The following CSNK1G1 variants were observed in gnomAD, a reference collection of about 807,000 sequenced individuals.
The protein encoded by CSNK1G1 is casein kinase 1 gamma 1.
CSNK1G1 carries 22 observed loss-of-function variants against 59.6 expected under a neutral mutation model. That is an observed-to-expected ratio of 0.37 (90% CI 0.26 to 0.53). The LOEUF is 0.53. Ranked by LOEUF, CSNK1G1 falls within the 20% of genes least tolerant of loss-of-function variation. The probability of loss-of-function intolerance (pLI) is 0.89; values close to 1 mark genes in which losing one functional copy is unlikely to be tolerated. For missense variants in CSNK1G1, 384 were observed against 519.5 expected (o/e 0.74, Z 2.54); for synonymous variants, 179 against 177.1 (o/e 1.01, Z -0.08).
intron 1 of CSNK1G1, among the ~76,000 whole-genome samples, chr15:64,324,167 C>T (rs942325433): frequency 3.3e-5 from 5 of 152,176 alleles, no homozygotes; most frequent in Admixed American, 2.6e-4. Flanking sequence ...TTTATAAACA[C>T]TACACTGATT....
chr15:64,220,259 T>C (rs1217905277), intron 4 of CSNK1G1, among the ~76,000 whole-genome samples: 1 of 150,340 alleles, frequency 6.7e-6, no homozygotes, highest in Non-Finnish European at 1.5e-5. Flanking sequence ...CATGCCTGGA[T>C]AATTTTTGTA....
At position 64,194,513 on chromosome 15, in the gene CSNK1G1, TTTTC is replaced by T. The variant is rs1173988958; in HGVS notation, c.1107+8565_1107+8568del. Among the ~76,000 whole-genome samples, 83 of 145,376 alleles carry T rather than the reference TTTTC, an allele frequency of 5.7e-4. No homozygotes were observed. The South Asian group carries it at 0.016, about 28-fold the overall frequency. ...TTTCTTTTTCTCTTCTTTTCTTTTC[TTTTC>T]TTTTTTTTTTTTTTTTTGAGACAGA... On this transcript the variant is annotated intron_variant, in intron 10 of 11. Coordinates refer to ENST00000303052, the MANE Select transcript of CSNK1G1 (RefSeq NM_022048.5).
intron 2 of CSNK1G1, among the ~76,000 whole-genome samples, chr15:64,293,618 TA>T: frequency 6.6e-6 from 1 of 152,188 alleles, no homozygotes; most frequent in Non-Finnish European, 1.5e-5. Context: ...AAACCAACTT[TA>T]AATACAAGGA....
chr15:64,294,912 CAAAAAAAAAAAAA>C (rs937758323), intron 2 of CSNK1G1, among the ~76,000 whole-genome samples: 1 of 51,152 alleles, frequency 2.0e-5, no homozygotes, highest in Admixed American at 2.4e-4. Flanking sequence ...AACTTCGTCT[CAAAAAAAAAAAAA>C]AAAAAAAAAA....
At chr15:64,347,584 TAAA>T (rs11456750) in intron 1 of CSNK1G1, among the ~76,000 whole-genome samples, 1 of 123,556 alleles carries the variant, frequency 8.1e-6, no homozygotes, top group Non-Finnish European at 1.6e-5. Flanking sequence ...CACTCCGTCT[TAAA>T]AAAAAAAAAA....
At chr15:64,302,651 A>G (rs916487908) in intron 1 of CSNK1G1, among the ~76,000 whole-genome samples, 1 of 152,124 alleles carries the variant, frequency 6.6e-6, no homozygotes, top group Non-Finnish European at 1.5e-5. Flanking sequence ...CTCAAATGAT[A>G]TTAGAAAGAA....
At chr15:64,281,551 T>C (rs1894135299) in intron 2 of CSNK1G1, among the ~76,000 whole-genome samples, 1 of 152,080 alleles carries the variant, frequency 6.6e-6, no homozygotes, top group African/African-American at 2.4e-5. Flanking sequence ...GATGAAAAAG[T>C]TCTAGGCTGG....
chr15:64,324,692 G>A (rs539860856), intron 1 of CSNK1G1, among the ~76,000 whole-genome samples: 2 of 152,226 alleles, frequency 1.3e-5, no homozygotes, highest in South Asian at 2.1e-4. Flanking sequence ...GAGTCAATTC[G>A]GCTTAATGAA....
At chr15:64,230,815 T>C (rs1280130874) in intron 4 of CSNK1G1, among the ~76,000 whole-genome samples, 4 of 151,550 alleles carry the variant, frequency 2.6e-5, no homozygotes, top group Admixed American at 6.6e-5. Context: ...TACTAAAAAA[T>C]ACAAAAAAAT....
rs192133953 is a variant in CSNK1G1 at position 64,206,500 on chromosome 15, A to G, written c.765+1009T>C. Among the ~76,000 whole-genome samples, 4 of 146,844 alleles carry G rather than the reference A, an allele frequency of 2.7e-5. No individual in the cohort carries two copies. In the Admixed American group the frequency reaches 2.8e-4, roughly 10 times the overall value. On this transcript the variant is annotated intron_variant, in intron 7 of 11. Transcript: ENST00000303052. ...CATGCACCTGTAATCCCAGCTATTC[A>G]AGAGGCTGAGGTAGGAGAACCGCTG...
chr15:64,278,226 T>C (rs890475200), intron 2 of CSNK1G1, among the ~76,000 whole-genome samples: 2 of 151,164 alleles, frequency 1.3e-5, no homozygotes, highest in South Asian at 2.1e-4. Context: ...TTTGTATTTT[T>C]AGTAGAGACA....
intron 9 of CSNK1G1, among the ~76,000 whole-genome samples, chr15:64,204,155 C>T (rs1036698561): frequency 2.0e-5 from 3 of 151,794 alleles, no homozygotes; most frequent in Admixed American, 2.0e-4. Context: ...ACTTCTGAAT[C>T]ATTCAAATGA....
chr15:64,264,891 A>G (rs779900322), intron 2 of CSNK1G1, among the ~76,000 whole-genome samples: 12 of 152,248 alleles, frequency 7.9e-5, no homozygotes, highest in Non-Finnish European at 1.5e-4. Context: ...TAAAGGCCAT[A>G]TATGACAAAC....
intron 4 of CSNK1G1, among the ~76,000 whole-genome samples, chr15:64,229,902 A>ATTTTTTTTT (rs533868270): frequency 0.096 from 4,178 of 43,700 alleles, 1,422 homozygotes; most frequent in Non-Finnish European, 0.13. Context: ...ATGTTTGTAA[A>ATTTTTTTTT]TTTTTTTTTT....
chr15:64,294,909 T>C (rs1321604866), intron 2 of CSNK1G1, among the ~76,000 whole-genome samples: 1 of 93,238 alleles, frequency 1.1e-5, no homozygotes, highest in Non-Finnish European at 2.0e-5. Context: ...TGAAACTTCG[T>C]CTCAAAAAAA....
chr15:64,180,147 G>T (rs547580720), intron 11 of CSNK1G1: 4 of 553,522 alleles, frequency 7.2e-6, no homozygotes, highest in South Asian at 6.6e-5. Context: ...CTAGAAAAAT[G>T]TGACTGTCTT....
At chr15:64,206,123 T>G (rs2082176280) in intron 7 of CSNK1G1, among the ~76,000 whole-genome samples, 2 of 152,134 alleles carry the variant, frequency 1.3e-5, no homozygotes, top group Non-Finnish European at 2.9e-5. Context: ...CTGACCAACA[T>G]GGTGAAACCC....
Position 64,188,850 on chromosome 15 carries a change from C to T in CSNK1G1, c.1108-8396G>A, listed in dbSNP as rs1040574358. ...TCAAACTCAGAATGTTAAGATTGTT[C>T]GGAGTGGTGGCATACGCCTATAATC... On this transcript the variant is annotated intron_variant, in intron 10 of 11. Coordinates refer to ENST00000303052, the MANE Select transcript of CSNK1G1 (RefSeq NM_022048.5). The surrounding 1 kb of genome is among the most constrained non-coding windows in gnomAD (Gnocchi z 4.2). Among the ~76,000 whole-genome samples the T allele has an allele frequency of 2.0e-5, 3 of 151,950 alleles. No individual in the cohort carries two copies. The highest frequency in any genetic ancestry group is 4.8e-5 in the African/African-American group (2 of 41,378).
intron 2 of CSNK1G1, among the ~76,000 whole-genome samples, chr15:64,261,698 A>G (rs539409967): frequency 4.8e-4 from 73 of 152,168 alleles, no homozygotes; most frequent in Non-Finnish European, 1.2e-4. Context: ...TAATCCCAGC[A>G]CTTGGGGAGG....
Sources: gnomAD v4.1 joint callset for allele counts (sites outside exome capture counted in the v4.1 genomes callset) on GRCh38, gnomAD v4.1.1 for gene constraint, Gnocchi (gnomAD v3.1) non-coding constraint, MANE v1.5 for transcripts, NCBI Gene and HGNC (gene_info 2026-07-23, HGNC 2026-07-21) for gene names.